Variants in SGCD observed in about 807,000 individuals in gnomAD.
SGCD encodes delta-sarcoglycan.
A neutral mutation model predicts 36.6 loss-of-function variants in SGCD; 18 were observed. That is an observed-to-expected ratio of 0.49 (90% CI 0.34 to 0.73). The LOEUF (loss-of-function observed/expected upper bound fraction) is 0.73, where lower values mean the gene tolerates loss of function less well. SGCD is among the 30% of genes least tolerant of loss of function. The probability of loss-of-function intolerance (pLI) is 0.01; values close to 1 mark genes in which losing one functional copy is unlikely to be tolerated. For missense variants in SGCD, 387 were observed against 346.7 expected, an observed-to-expected ratio of 1.12 and a Z score of -0.92; for synonymous variants, 133 against 130.6, an observed-to-expected ratio of 1.02 and a Z score of -0.12.
chr5:156,574,890 G>T (rs1462152177), intron 4 of SGCD, among the ~76,000 whole-genome samples: 1 of 152,128 alleles, frequency 6.6e-6, no homozygotes, highest in Non-Finnish European at 1.5e-5. Context: ...ACCATTCTGT[G>T]AAAGGTCAAA....
intron 6 of SGCD, among the ~76,000 whole-genome samples, chr5:156,610,486 G>C (rs1395222987): frequency 6.6e-6 from 1 of 152,230 alleles, no homozygotes; most frequent in Non-Finnish European, 1.5e-5. Context: ...CTCCTCGGGG[G>C]TCAGGGACCC....
At chr5:156,015,256 T>C (rs1758944539) in intron 1 of SGCD, among the ~76,000 whole-genome samples, 1 of 152,296 alleles carries the variant, frequency 6.6e-6, no homozygotes, top group African/African-American at 2.4e-5. Context: ...TATGGATCCA[T>C]GGATTCTTTT....
At chr5:156,688,659 C>G (rs1407915770) in intron 7 of SGCD, among the ~76,000 whole-genome samples, 1 of 152,184 alleles carries the variant, frequency 6.6e-6, no homozygotes, top group Admixed American at 6.6e-5. Flanking sequence ...GTTTCTGCCT[C>G]TTTGTCATGG....
chr5:156,063,299 G>A (rs575166024), intron 1 of SGCD, among the ~76,000 whole-genome samples: 1,643 of 12,852 alleles, frequency 0.13, 183 homozygotes, highest in African/African-American at 0.25. Flanking sequence ...CTATATCTCT[G>A]TTTTGGTACC....
intron 3 of SGCD, among the ~76,000 whole-genome samples, chr5:156,347,606 CT>C (rs1769018426): frequency 6.6e-6 from 1 of 152,058 alleles, no homozygotes; most frequent in Non-Finnish European, 1.5e-5. Flanking sequence ...TCATGTATAC[CT>C]TTAGTCCCCT....
intron 3 of SGCD, among the ~76,000 whole-genome samples, chr5:156,200,232 G>T (rs185355907): frequency 3.3e-5 from 5 of 152,154 alleles, no homozygotes; most frequent in African/African-American, 1.2e-4. Context: ...AAAGAACAGA[G>T]GTAGAGGACC....
chr5:155,961,637 T>C (rs1757792379), intron 1 of SGCD, among the ~76,000 whole-genome samples: 1 of 152,112 alleles, frequency 6.6e-6, no homozygotes, highest in African/African-American at 2.4e-5. Flanking sequence ...TTAATCTCCA[T>C]TGGACAGCAA....
rs1019839966 is a variant in SGCD at position 155,895,327 on chromosome 5, C to T, written c.-282+24903C>T. Among the ~76,000 whole-genome samples, 9 of 152,290 alleles carry T rather than the reference C, an allele frequency of 5.9e-5. No individual in the cohort carries two copies. The South Asian group carries it at 6.2e-4, about 11-fold the overall frequency. ...TCTGATTGGATCCTTTCTCTTCAAACGCATTTCAAAACCTGTTCATAGCAA... is the reference window on the plus strand; with the variant it reads ...TCTGATTGGATCCTTTCTCTTCAAATGCATTTCAAAACCTGTTCATAGCAA... On this transcript the variant is annotated intron_variant, in intron 1 of 9. Coordinates refer to the SGCD transcript ENST00000517913.
At chr5:156,450,275 A>G (rs1298632034) in intron 3 of SGCD, among the ~76,000 whole-genome samples, 1 of 152,058 alleles carries the variant, frequency 6.6e-6, no homozygotes, top group Non-Finnish European at 1.5e-5. Flanking sequence ...TTTCATGTCC[A>G]CATCATCAAT....
chr5:155,931,995 G>A (rs1405373394), intron 1 of SGCD, among the ~76,000 whole-genome samples: 2 of 152,102 alleles, frequency 1.3e-5, no homozygotes, highest in Non-Finnish European at 2.9e-5. Context: ...TTCTCTCCCT[G>A]GCCTCTATTG....
chr5:156,532,599 C>T (rs1727268388), intron 4 of SGCD, among the ~76,000 whole-genome samples: 1 of 151,994 alleles, frequency 6.6e-6, no homozygotes, highest in Non-Finnish European at 1.5e-5. Context: ...TAGCTAGAAC[C>T]ACAGGCACCC....
rs1757515851 is a variant in SGCD at position 156,762,456 on chromosome 5, C to T, written c.*3066C>T. On this transcript the variant is annotated 3_prime_UTR_variant, in exon 9 of 9. Transcript: ENST00000337851. ...GACATCTACCTAGGTAAAAGCCTGA[C>T]ATGTGGCTTTATAATTGTTATGTTA... The T allele has an allele frequency of 6.6e-6, 1 of 152,622 alleles. No homozygotes were observed. The highest frequency in any genetic ancestry group is 1.5e-5 in the Non-Finnish European group (1 of 68,034). The allele number at this position is 152,622 out of a possible 1,614,324, so 9.5% of individuals were successfully genotyped here.
intron 1 of SGCD, among the ~76,000 whole-genome samples, chr5:155,978,529 C>T (rs949120422): frequency 6.6e-6 from 1 of 152,234 alleles, no homozygotes; most frequent in Non-Finnish European, 1.5e-5. Flanking sequence ...AGTGTTATTA[C>T]ACCAATGAGA....
chr5:156,512,291 G>C (rs1484786315), intron 4 of SGCD, among the ~76,000 whole-genome samples: 1 of 150,390 alleles, frequency 6.6e-6, no homozygotes, highest in Non-Finnish European at 1.5e-5. Flanking sequence ...ATACTATTCT[G>C]TACTGATGCA....
chr5:155,826,890 TC>T, the SGCD span, among the ~76,000 whole-genome samples: 11 of 152,204 alleles, frequency 7.2e-5, no homozygotes, highest in Non-Finnish European at 1.0e-4. Context: ...GTCTGCAGGA[TC>T]TTCAGGTCAG....
At position 156,722,524 on chromosome 5, in the gene SGCD, G is replaced by C. The variant is rs796149126; in HGVS notation, c.576-35057G>C. Among the ~76,000 whole-genome samples, 2 of 152,336 alleles carry C rather than the reference G, an allele frequency of 1.3e-5. 1 individual carries two copies. The highest frequency in any genetic ancestry group is 4.8e-5 in the African/African-American group (2 of 41,588). ...CTGTGTATCCTGGGCTACAGGTTCA[G>C]AATTCACCATGATAAATTATTCCAA... On this transcript the variant is annotated intron_variant, in intron 7 of 8. Coordinates refer to ENST00000337851, the MANE Select transcript of SGCD (RefSeq NM_000337.6).
At chr5:156,390,465 C>T (rs1213906537) in intron 3 of SGCD, among the ~76,000 whole-genome samples, 4 of 152,348 alleles carry the variant, frequency 2.6e-5, no homozygotes, top group South Asian at 2.1e-4. Flanking sequence ...CAATGGCTCA[C>T]GCCTGTATTC....
intron 1 of SGCD, among the ~76,000 whole-genome samples, chr5:156,076,340 C>T (rs182812777): frequency 1.3e-5 from 2 of 151,944 alleles, no homozygotes; most frequent in Non-Finnish European, 1.5e-5. Flanking sequence ...CTAAGAGTTG[C>T]TGGGAATAAT....
intron 7 of SGCD, among the ~76,000 whole-genome samples, chr5:156,679,145 A>C (rs1753627416): frequency 6.6e-6 from 1 of 152,190 alleles, no homozygotes; most frequent in Non-Finnish European, 1.5e-5. Context: ...TTTACCTAAA[A>C]GTGATTGATG....
Sources: gnomAD v4.1 joint callset for allele counts (sites outside exome capture counted in the v4.1 genomes callset) on GRCh38, gnomAD v4.1.1 for gene constraint, MANE v1.5 for transcripts, NCBI Gene and HGNC (gene_info 2026-07-23, HGNC 2026-07-21) for gene names.